Variants in KIAA0930 observed in about 807,000 individuals in gnomAD.
KIAA0930 encodes the protein uncharacterized protein KIAA0930.
KIAA0930 carries 24 observed loss-of-function variants against 43.9 expected under a neutral mutation model. That is an observed-to-expected ratio of 0.55 (90% CI 0.40 to 0.77). The LOEUF is 0.77. Among genes scored for constraint, KIAA0930 ranks in the 30% least tolerant of loss-of-function variants. The probability of loss-of-function intolerance (pLI) is 0.00; values close to 1 mark genes in which losing one functional copy is unlikely to be tolerated. For missense variants in KIAA0930, 461 were observed against 574.2 expected (o/e 0.80, Z 2.02); for synonymous variants, 259 against 216.4 (o/e 1.20, Z -1.73).
intron 1 of KIAA0930, chr22:45,235,283 A>T (rs1569086468): frequency 6.6e-6 from 1 of 152,232 alleles, no homozygotes; most frequent in Non-Finnish European, 1.5e-5. Flanking sequence ...CGCTGCAAAG[A>T]TGTCCATGCA....
chr22:45,240,541 G>A, intron 1 of KIAA0930, 99 bp downstream of exon 1: 1 of 810,908 alleles, frequency 1.2e-6, no homozygotes, highest in East Asian at 3.2e-5. Flanking sequence ...CCCGCGCAGA[G>A]ACAGAGATGC....
At chr22:45,211,890 C>T in intron 2 of KIAA0930, 66 bp downstream of exon 2, 1 of 1,525,050 alleles carries the variant, frequency 6.6e-7, no homozygotes, top group Non-Finnish European at 8.9e-7. Flanking sequence ...CACATGTACA[C>T]CGAGAGCAGA....
At chr22:45,219,339 C>T (rs1233564603) in intron 1 of KIAA0930, among the ~76,000 whole-genome samples, 1 of 152,182 alleles carries the variant, frequency 6.6e-6, no homozygotes, top group African/African-American at 2.4e-5. Flanking sequence ...TAACTTGGAA[C>T]ATTTTCCACT....
chr22:45,210,633 A>T (rs1601815806), intron 2 of KIAA0930, among the ~76,000 whole-genome samples: 1 of 152,084 alleles, frequency 6.6e-6, no homozygotes, highest in Non-Finnish European at 1.5e-5. Flanking sequence ...TCGATTGTAC[A>T]CCCAGACAGG....
intron 1 of KIAA0930, among the ~76,000 whole-genome samples, chr22:45,232,414 C>G (rs1335242605): frequency 6.6e-6 from 1 of 152,240 alleles, no homozygotes; most frequent in Non-Finnish European, 1.5e-5. Context: ...TAAGGGAACT[C>G]TGCCTGTTGT....
At chr22:45,200,362 G>A (rs1307964018) in intron 7 of KIAA0930, among the ~76,000 whole-genome samples, 1 of 152,196 alleles carries the variant, frequency 6.6e-6, no homozygotes, top group Non-Finnish European at 1.5e-5. Flanking sequence ...AACAACAGCT[G>A]CTGACGCTGA....
At chr22:45,233,402 G>A (rs895109776) in intron 1 of KIAA0930, among the ~76,000 whole-genome samples, 1 of 152,150 alleles carries the variant, frequency 6.6e-6, no homozygotes, top group African/African-American at 2.4e-5. Context: ...GCTAGGCCGA[G>A]TTCCCCAGCA....
intron 1 of KIAA0930, among the ~76,000 whole-genome samples, chr22:45,238,893 T>C (rs2083901999): frequency 6.6e-6 from 1 of 151,890 alleles, no homozygotes; most frequent in South Asian, 2.1e-4. Context: ...TCTCTCTCTC[T>C]CTCTCTCTCA....
chr22:45,223,268 A>G (rs779716882), intron 1 of KIAA0930, among the ~76,000 whole-genome samples: 13 of 152,248 alleles, frequency 8.5e-5, no homozygotes, highest in Non-Finnish European at 1.6e-4. Flanking sequence ...CTCTAGAATA[A>G]ATGAAGCAAA....
At chr22:45,208,848 C>T (rs1316346743) in intron 2 of KIAA0930, among the ~76,000 whole-genome samples, 2 of 152,238 alleles carry the variant, frequency 1.3e-5, no homozygotes, top group Admixed American at 1.3e-4. Context: ...CTTTGGTTTT[C>T]TGAGTGGGTG....
At chr22:45,203,820 A>G (rs2083611652) in intron 6 of KIAA0930, 25 bp downstream of exon 6, 1 of 1,610,950 alleles carries the variant, frequency 6.2e-7, no homozygotes, top group South Asian at 1.1e-5. Flanking sequence ...CCAGAAGAAC[A>G]CCCGTGAGGC....
chr22:45,196,717 C>T lies in KIAA0930; in HGVS notation c.*459G>A, dbSNP rs990886436. The T allele has an allele frequency of 5.0e-5, 8 of 159,306 alleles. No individual in the cohort carries two copies. Among genetic ancestry groups the T allele is most frequent in the Non-Finnish European group, 9.6e-5 (7 of 72,872 alleles). The allele number at this position is 159,306 out of a possible 1,614,324, so 9.9% of individuals were successfully genotyped here. On this transcript the variant is annotated 3_prime_UTR_variant, in exon 10 of 10. Transcript: ENST00000336156. The surrounding 1 kb of genome is among the most constrained non-coding windows in gnomAD (Gnocchi z 4.1). The stretch of plus-strand genomic sequence containing the variant: ...ACTCGGGTGCTGAAGTTCATCCGCA[C>T]GGCATTCCAGAATCTTCCACCGGCT...
intron 5 of KIAA0930, among the ~76,000 whole-genome samples, chr22:45,204,521 C>A (rs1468299258): frequency 6.6e-6 from 1 of 152,196 alleles, no homozygotes; most frequent in Non-Finnish European, 1.5e-5. Context: ...CCTCTAGGAG[C>A]TACGTGTGCC....
At chr22:45,221,891 C>T (rs762785868) in intron 1 of KIAA0930, among the ~76,000 whole-genome samples, 8 of 152,136 alleles carry the variant, frequency 5.3e-5, no homozygotes, top group African/African-American at 1.2e-4. Flanking sequence ...TGCGCAACCA[C>T]GCCAGGCTAA....
rs1569067520 is a variant in KIAA0930, at chr22:45,194,149, A to C, written c.*3027T>G. On this transcript the variant is annotated 3_prime_UTR_variant, in exon 10 of 10. Transcript: ENST00000336156. ...GAATGCAATGGCGTGATCTCGGCTC[A>C]CTGCAACCTCTGCCTACTAGGTTCA... The C allele has an allele frequency of 1.5e-5, 2 of 131,618 alleles. No individual in the cohort carries two copies. The highest frequency in any genetic ancestry group is 5.9e-5 in the African/African-American group (2 of 33,898). 8.2% of individuals were successfully genotyped at this position (131,618 alleles called of 1,614,324 possible). A position where few individuals can be genotyped will look rare whatever the true frequency, so the allele number is the denominator to read the frequency against.
chr22:45,237,312 C>T (rs1416765040), intron 1 of KIAA0930, among the ~76,000 whole-genome samples: 1 of 152,214 alleles, frequency 6.6e-6, no homozygotes, highest in Non-Finnish European at 1.5e-5. Context: ...GGCTGTCTCC[C>T]CCATGGACTG....
chr22:45,228,775 C>CACCACTCACCTGAGAGATCCCTCTCCA (rs1601824851), intron 1 of KIAA0930, among the ~76,000 whole-genome samples: 1 of 3,646 alleles, frequency 2.7e-4, no homozygotes, highest in African/African-American at 2.9e-3. Context: ...CCCTCCCCAT[C>CACCACTCACCTGAGAGATCCCTCTCCA]CCCCCCAACC....
chr22:45,201,463 AGCCCTCAGGCT>A (rs1403806573), intron 7 of KIAA0930, among the ~76,000 whole-genome samples: 3 of 152,206 alleles, frequency 2.0e-5, no homozygotes, highest in Admixed American at 2.0e-4. Flanking sequence ...GTAGTCACTC[AGCCCTCAGGCT>A]GTGGCTGGAG....
chr22:45,218,332 G>GTTTTTT (rs2083746145), intron 1 of KIAA0930, among the ~76,000 whole-genome samples: 3 of 49,392 alleles, frequency 6.1e-5, no homozygotes, highest in African/African-American at 1.6e-4. Flanking sequence ...TAATTTTTTT[G>GTTTTTT]ATTTTTTTTT....
Sources: allele counts gnomAD v4.1 joint callset (sites outside exome capture counted in the v4.1 genomes callset), GRCh38; gene constraint gnomAD v4.1.1; non-coding constraint Gnocchi (gnomAD v3.1); transcripts MANE v1.5; gene names NCBI Gene and HGNC (gene_info 2026-07-23, HGNC 2026-07-21).